CELF2: variants seen among roughly 807,000 people sequenced by gnomAD.
CELF2 encodes the protein CUG triplet repeat RNA-binding protein 2.
Under a neutral mutation model 62.6 loss-of-function variants are expected in CELF2, and 8 were observed. The observed-to-expected ratio is 0.13, with a 90% confidence interval of 0.07 to 0.23. The LOEUF (loss-of-function observed/expected upper bound fraction) is 0.23. Ranked by LOEUF, CELF2 falls within the 10% of genes least tolerant of loss-of-function variation. The pLI is 1.00. For missense variants in CELF2, 333 were observed against 671.0 expected (o/e 0.50, Z 5.56); for synonymous variants, 258 against 250.0 (o/e 1.03, Z -0.30).
chr10:11,172,543 T>C (rs2069267318), intron 2 of CELF2, among the ~76,000 whole-genome samples: 1 of 152,228 alleles, frequency 6.6e-6, no homozygotes, highest in South Asian at 2.1e-4. Context: ...TCCCTTTAAA[T>C]GCCCCATACT....
At chr10:10,635,763 C>T in the CELF2 span, among the ~76,000 whole-genome samples, 3 of 152,218 alleles carry the variant, frequency 2.0e-5, no homozygotes, top group Middle Eastern at 3.4e-3. Flanking sequence ...TCCTCCATGC[C>T]TATGAAAAGG....
the CELF2 span, among the ~76,000 whole-genome samples, chr10:10,573,296 T>C: frequency 1.3e-5 from 2 of 152,232 alleles, no homozygotes; most frequent in Non-Finnish European, 2.9e-5. Flanking sequence ...TCTCCCACTC[T>C]GCTGGTTGCC....
At chr10:11,215,427 C>T (rs536477800) in intron 2 of CELF2, among the ~76,000 whole-genome samples, 14 of 152,296 alleles carry the variant, frequency 9.2e-5, no homozygotes, top group African/African-American at 3.4e-4. Flanking sequence ...CTCAACTCTT[C>T]GTTCTTGGCT....
chr10:10,670,763 C>G, the CELF2 span, among the ~76,000 whole-genome samples: 1 of 152,194 alleles, frequency 6.6e-6, no homozygotes, highest in African/African-American at 2.4e-5. Context: ...TCCCCTCTAA[C>G]CCTTGACAAC....
At chr10:10,677,688 C>T in the CELF2 span, among the ~76,000 whole-genome samples, 1 of 152,190 alleles carries the variant, frequency 6.6e-6, no homozygotes, top group Admixed American at 6.5e-5. Flanking sequence ...TTGTTCTCTA[C>T]AACTGTGCTC....
chr10:10,622,584 G>T, the CELF2 span, among the ~76,000 whole-genome samples: 1 of 152,108 alleles, frequency 6.6e-6, no homozygotes, highest in Non-Finnish European at 1.5e-5. Context: ...GAGCCCAGGA[G>T]GTAGAGGCTA....
At chr10:10,717,597 A>T in the CELF2 span, among the ~76,000 whole-genome samples, 1 of 152,214 alleles carries the variant, frequency 6.6e-6, no homozygotes, top group Non-Finnish European at 1.5e-5. Flanking sequence ...CCCAAATGAG[A>T]TATAGCTTTT....
intron 2 of CELF2, among the ~76,000 whole-genome samples, chr10:11,180,481 G>A (rs2072950982): frequency 6.6e-6 from 1 of 152,162 alleles, no homozygotes; most frequent in Non-Finnish European, 1.5e-5. Context: ...GTCTGGACTC[G>A]GTAAAACCGA....
intron 3 of CELF2, among the ~76,000 whole-genome samples, chr10:11,245,422 A>C (rs1309804209): frequency 6.6e-6 from 1 of 152,258 alleles, no homozygotes; most frequent in Non-Finnish European, 1.5e-5. Flanking sequence ...TAAGAAGGTC[A>C]CAGTGCTTTG....
At chr10:10,978,445 G>A (rs1373350332) in intron 2 of CELF2, among the ~76,000 whole-genome samples, 2 of 152,118 alleles carry the variant, frequency 1.3e-5, no homozygotes, top group East Asian at 1.9e-4. Context: ...TCTTTGATTG[G>A]TAGCCAATTA....
chr10:10,882,018 T>C (rs1370433992), intron 1 of CELF2, among the ~76,000 whole-genome samples: 1 of 152,210 alleles, frequency 6.6e-6, no homozygotes, highest in Non-Finnish European at 1.5e-5. Flanking sequence ...TCAGGAGAAA[T>C]GGGCAGAAAG....
intron 1 of CELF2, among the ~76,000 whole-genome samples, chr10:10,841,189 C>T (rs1174613114): frequency 3.3e-5 from 5 of 152,034 alleles, no homozygotes; most frequent in Non-Finnish European, 5.9e-5. Flanking sequence ...GATTTATAAT[C>T]GTTTGGATAT....
At chr10:11,036,602 A>G (rs1029319576) in intron 1 of CELF2, among the ~76,000 whole-genome samples, 1 of 152,230 alleles carries the variant, frequency 6.6e-6, no homozygotes, top group Non-Finnish European at 1.5e-5. Flanking sequence ...ATAAATGGGA[A>G]TCATACTTGG....
At chr10:10,771,001 A>G in the CELF2 span, among the ~76,000 whole-genome samples, 1 of 152,196 alleles carries the variant, frequency 6.6e-6, no homozygotes, top group Non-Finnish European at 1.5e-5. Context: ...ATATTTTTGC[A>G]AATTCTTCCA....
the CELF2 span, among the ~76,000 whole-genome samples, chr10:10,512,401 C>CTTTTTTT: frequency 3.7e-5 from 4 of 109,148 alleles, no homozygotes; most frequent in Non-Finnish European, 3.7e-5. Flanking sequence ...TTTTGGAACG[C>CTTTTTTT]TTTTTTTTTT....
Position 11,242,198 on chromosome 10 carries a change from G to A in CELF2, c.355-6955G>A, listed in dbSNP as rs777300881. 1.8e-4 allele frequency among the ~76,000 whole-genome samples: 27 copies of A among 152,166 alleles called. No homozygotes were observed. In the South Asian group the frequency reaches 2.7e-3, roughly 15 times the overall value. On this transcript the variant is annotated intron_variant, in intron 3 of 12. Coordinates refer to ENST00000633077, the MANE Select transcript of CELF2 (RefSeq NM_001326342.2). This position sits in a 1 kb window ranked among gnomAD's most constrained non-coding sequence, Gnocchi z 4.8. The stretch of plus-strand genomic sequence containing the variant: ...CAGGATGGGTTTAATAATGAGATGC[G>A]TAACAGTGACTCTGTAAAAACCCAT...
chr10:11,044,558 C>G (rs1353226877), intron 1 of CELF2, among the ~76,000 whole-genome samples: 1 of 152,056 alleles, frequency 6.6e-6, no homozygotes, highest in Non-Finnish European at 1.5e-5. Flanking sequence ...GCTTTGAGAC[C>G]TCATTTGAGA....
Position 11,324,674 on chromosome 10 carries a change from T to C in CELF2, c.1295-1162T>C, listed in dbSNP as rs757309911. Among the ~76,000 whole-genome samples, 3 of 152,250 alleles carry C rather than the reference T, an allele frequency of 2.0e-5. No homozygotes were observed. Among genetic ancestry groups the C allele is most frequent in the Non-Finnish European group, 2.9e-5 (2 of 68,044 alleles). On this transcript the variant is annotated intron_variant, in intron 11 of 12. Transcript: ENST00000633077. The surrounding 1 kb of genome is among the most constrained non-coding windows in gnomAD (Gnocchi z 4.7). ...CAATCATTAGGATACTTTCTTGTGA[T>C]GTATTTTGTGGAGGCAGGGGAAGAA... is the stretch of plus-strand genomic sequence containing the variant.
intron 12 of CELF2, among the ~76,000 whole-genome samples, chr10:11,327,114 C>T (rs144188826): frequency 6.6e-6 from 1 of 151,188 alleles, no homozygotes; most frequent in Non-Finnish European, 1.5e-5. Context: ...TCAGTCGGGA[C>T]CCATTCGGCG....
Sources: gnomAD v4.1 joint callset for allele counts (sites outside exome capture counted in the v4.1 genomes callset) on GRCh38, gnomAD v4.1.1 for gene constraint, Gnocchi (gnomAD v3.1) non-coding constraint, MANE v1.5 for transcripts, NCBI Gene and HGNC (gene_info 2026-07-23, HGNC 2026-07-21) for gene names.